Variants in SGCD observed in about 807,000 individuals in gnomAD.
The protein encoded by SGCD is delta-sarcoglycan.
In SGCD, 18 loss-of-function variants were observed where a neutral mutation model predicts 36.6. The observed-to-expected ratio is 0.49, with a 90% CI of 0.34 to 0.73. SGCD has a LOEUF of 0.73. Among genes scored for constraint, SGCD ranks in the 30% least tolerant of loss-of-function variants. The probability of loss-of-function intolerance (pLI) is 0.01; values close to 1 mark genes in which losing one functional copy is unlikely to be tolerated. For synonymous variants in SGCD, 133 were observed against 130.6 expected, an observed-to-expected ratio of 1.02 and a Z score of -0.12; for missense variants, 387 against 346.7, an observed-to-expected ratio of 1.12 and a Z score of -0.92.
At position 156,759,229 on chromosome 5, in the gene SGCD, G is replaced by T; in HGVS notation, c.712G>T (p.Ala238Ser). The change falls in exon 9 of 9, where the codon GCT becomes TCT. Residue 238 changes from alanine (A) to serine (S), a missense_variant. Coordinates refer to ENST00000337851, the MANE Select transcript of SGCD (RefSeq NM_000337.6). Reference sequence around the variant, plus strand: ...TCTCTGTCTTTAGATTAAGTTAGATGCTGCGAAAATCAGGCTACCTAGACT... The same window carrying T: ...TCTCTGTCTTTAGATTAAGTTAGATTCTGCGAAAATCAGGCTACCTAGACT... ...ESKDGEIKLD[A>S]AKIRLPRLPH... The T allele has an allele frequency of 6.2e-7, 1 of 1,613,628 alleles. No homozygotes were observed. The highest frequency in any genetic ancestry group is 1.3e-5 in the African/African-American group (1 of 75,050).
intron 1 of SGCD, among the ~76,000 whole-genome samples, chr5:155,894,707 C>A (rs1756210118): frequency 2.0e-5 from 3 of 152,150 alleles, no homozygotes; most frequent in Admixed American, 2.0e-4. Context: ...AGGTTGGGTG[C>A]TCCTTACGAG....
intron 3 of SGCD, among the ~76,000 whole-genome samples, chr5:156,406,694 T>C (rs1386223193): frequency 1.3e-5 from 2 of 151,028 alleles, no homozygotes; most frequent in Non-Finnish European, 2.9e-5. Flanking sequence ...AGGTAGACAT[T>C]ATCTCTGTTT....
At chr5:155,848,399 T>C in the SGCD span, among the ~76,000 whole-genome samples, 1 of 152,134 alleles carries the variant, frequency 6.6e-6, no homozygotes, top group East Asian at 1.9e-4. Flanking sequence ...TGAAAAGAGG[T>C]TGGTGCCAGG....
At chr5:156,070,733 AG>A (rs1760521957) in intron 1 of SGCD, among the ~76,000 whole-genome samples, 1 of 152,152 alleles carries the variant, frequency 6.6e-6, no homozygotes, top group Admixed American at 6.5e-5. Context: ...TACCTCTGGT[AG>A]AATTCGGCTG....
chr5:156,170,565 T>A, intron 3 of SGCD, among the ~76,000 whole-genome samples: 1 of 152,284 alleles, frequency 6.6e-6, no homozygotes, highest in East Asian at 1.9e-4. Flanking sequence ...TTTGTGATAG[T>A]CATAACTTCC....
chr5:155,737,821 A>ATT, the SGCD span, among the ~76,000 whole-genome samples: 1 of 152,038 alleles, frequency 6.6e-6, no homozygotes, highest in Admixed American at 6.6e-5. Context: ...TTTGACCTCC[A>ATT]TTCCCCCCAT....
rs914992339 is a variant in SGCD at position 156,162,618 on chromosome 5, C to T, written c.-44+38599C>T. On this transcript the variant is annotated intron_variant, in intron 3 of 9. Coordinates refer to the SGCD transcript ENST00000517913. ...TTCTGAAGAGATGGTGCATTGTACT[C>T]ATCACCATTCCCCCATCGTTTTGTC... is the stretch of plus-strand genomic sequence containing the variant. 1.3e-4 allele frequency among the ~76,000 whole-genome samples: 19 copies of T among 151,582 alleles called. 1 individual carries two copies. Among genetic ancestry groups the T allele is most frequent in the African/African-American group, 4.4e-4 (18 of 40,906 alleles).
At chr5:156,531,967 G>A (rs758024047) in intron 4 of SGCD, among the ~76,000 whole-genome samples, 13 of 151,690 alleles carry the variant, frequency 8.6e-5, no homozygotes, top group Non-Finnish European at 1.3e-4. Context: ...AAAATTAGCC[G>A]GACATGGTGA....
At chr5:156,625,998 C>CT (rs1762425216) in intron 6 of SGCD, among the ~76,000 whole-genome samples, 1 of 149,806 alleles carries the variant, frequency 6.7e-6, no homozygotes, top group African/African-American at 2.5e-5. Context: ...TAGAGCAATA[C>CT]TTGTCAGTGT....
At chr5:156,673,516 C>T (rs143378517) in intron 7 of SGCD, among the ~76,000 whole-genome samples, 6 of 152,258 alleles carry the variant, frequency 3.9e-5, no homozygotes, top group East Asian at 1.9e-4. Flanking sequence ...CTATTCACAA[C>T]GGAAGATGAG....
intron 3 of SGCD, among the ~76,000 whole-genome samples, chr5:156,398,061 T>C (rs1271849974): frequency 6.6e-6 from 1 of 152,204 alleles, no homozygotes; most frequent in Non-Finnish European, 1.5e-5. Context: ...TGGATACATC[T>C]CCCCTGAGGC....
the SGCD span, among the ~76,000 whole-genome samples, chr5:155,803,357 C>G: frequency 6.6e-6 from 1 of 152,254 alleles, no homozygotes; most frequent in African/African-American, 2.4e-5. Context: ...GCAGGGCTAC[C>G]CTGGCAGCAG....
the SGCD span, among the ~76,000 whole-genome samples, chr5:155,785,192 T>C: frequency 6.6e-6 from 1 of 152,202 alleles, no homozygotes; most frequent in African/African-American, 2.4e-5. Context: ...TCATGATTTA[T>C]GCACACATTG....
the SGCD span, among the ~76,000 whole-genome samples, chr5:155,833,087 A>T: frequency 6.6e-6 from 1 of 150,828 alleles, no homozygotes; most frequent in Admixed American, 6.6e-5. Flanking sequence ...AAAATTAGCC[A>T]GGCATGGTGG....
intron 1 of SGCD, among the ~76,000 whole-genome samples, chr5:155,930,200 G>A (rs1580996292): frequency 1.3e-5 from 2 of 152,150 alleles, no homozygotes; most frequent in African/African-American, 4.8e-5. Flanking sequence ...CTCTAACAGT[G>A]TATTAACTGT....
In SGCD at chr5:156,759,310, G is replaced by A. The variant is rs772185467; in HGVS notation, c.793G>A (p.Val265Ile). 315 of 1,613,430 alleles carry A rather than the reference G, an allele frequency of 2.0e-4. No homozygotes were observed. The highest frequency in any genetic ancestry group is 2.5e-4 in the Non-Finnish European group (300 of 1,179,550). ...GAGGCAGAAGGTCTTCGAGATCTGC[G>A]TCTGCGCCAATGGGAGATTATTCCT... ...GTRQKVFEICVCANGRLFLSQ... is the reference protein window; with the variant it reads ...GTRQKVFEICICANGRLFLSQ... Residue 265 changes from valine (V) to isoleucine (I), a missense_variant, in exon 9 of 9, where the codon GTC (valine) becomes ATC (isoleucine). By Grantham distance (29) the Val-to-Ile change is conservative (BLOSUM62 3). Coordinates refer to ENST00000337851, the MANE Select transcript of SGCD (RefSeq NM_000337.6).
At chr5:155,923,871 G>A (rs1280671070) in intron 1 of SGCD, among the ~76,000 whole-genome samples, 2 of 152,082 alleles carry the variant, frequency 1.3e-5, no homozygotes, top group Non-Finnish European at 2.9e-5. Flanking sequence ...ACACATTTGT[G>A]ATATTTGATC....
intron 3 of SGCD, among the ~76,000 whole-genome samples, chr5:156,470,427 C>T (rs548386658): frequency 2.7e-4 from 41 of 151,956 alleles, no homozygotes; most frequent in Admixed American, 9.2e-4. Context: ...TGTGCCATGC[C>T]GGTGTGCTGC....
chr5:155,745,928 T>C, the SGCD span, among the ~76,000 whole-genome samples: 1 of 152,208 alleles, frequency 6.6e-6, no homozygotes, highest in Non-Finnish European at 1.5e-5. Flanking sequence ...CATTTTCTTG[T>C]GAAATAAAAC....
Sources: gnomAD v4.1 joint callset for allele counts (sites outside exome capture counted in the v4.1 genomes callset) on GRCh38, gnomAD v4.1.1 for gene constraint, MANE v1.5 for transcripts, NCBI Gene and HGNC (gene_info 2026-07-23, HGNC 2026-07-21) for gene names.